Variants in RNF214 observed in about 807,000 individuals in gnomAD.
The protein encoded by RNF214 is ring finger protein 214.
Under a neutral mutation model 75.9 loss-of-function variants are expected in RNF214, and 25 were observed. That is an observed-to-expected ratio of 0.33 (90% CI 0.24 to 0.46). The LOEUF (loss-of-function observed/expected upper bound fraction) is 0.46, where lower values mean the gene tolerates loss of function less well. Ranked by LOEUF, RNF214 falls within the 20% of genes least tolerant of loss-of-function variation. The probability of loss-of-function intolerance (pLI) is 1.00; values close to 1 mark genes in which losing one functional copy is unlikely to be tolerated. For missense variants in RNF214, 725 were observed against 857.5 expected (o/e 0.85, Z 1.93); for synonymous variants, 314 against 308.8 (o/e 1.02, Z -0.18).
intron 6 of RNF214, among the ~76,000 whole-genome samples, chr11:117,276,835 A>G (rs1169968600): frequency 6.6e-6 from 1 of 152,226 alleles, no homozygotes; most frequent in Non-Finnish European, 1.5e-5. Context: ...TATAATCTTC[A>G]AGGATAACAT....
chr11:117,236,561 C>T (rs1170068901), intron 2 of RNF214, among the ~76,000 whole-genome samples: 5 of 152,086 alleles, frequency 3.3e-5, no homozygotes, highest in South Asian at 2.1e-4. Context: ...CATGAGCCAC[C>T]GCACCTGGCC....
chr11:117,272,541 A>G (rs1436208736), intron 6 of RNF214, among the ~76,000 whole-genome samples: 1 of 152,114 alleles, frequency 6.6e-6, no homozygotes, highest in African/African-American at 2.4e-5. Context: ...CCACCATGGC[A>G]CATGTATACC....
intron 6 of RNF214, among the ~76,000 whole-genome samples, chr11:117,253,127 C>G (rs570061461): frequency 2.3e-4 from 35 of 152,286 alleles, no homozygotes; most frequent in Non-Finnish European, 4.4e-4. Context: ...ATCCTCCTGC[C>G]TCAGCTTCCC....
chr11:117,242,076 G>A (rs1272287465), intron 4 of RNF214, among the ~76,000 whole-genome samples: 1 of 151,970 alleles, frequency 6.6e-6, no homozygotes, highest in Non-Finnish European at 1.5e-5. Flanking sequence ...TCCCCAGATA[G>A]TTGGCTTTTG....
chr11:117,260,077 A>AT (rs557529984), intron 6 of RNF214, among the ~76,000 whole-genome samples: 308 of 142,912 alleles, frequency 2.2e-3, no homozygotes, highest in African/African-American at 3.2e-3. Context: ...AAATTCTTTG[A>AT]TTTTTTTTTT....
chr11:117,274,966 A>G (rs1277951814), intron 6 of RNF214, among the ~76,000 whole-genome samples: 2 of 152,088 alleles, frequency 1.3e-5, no homozygotes, highest in Non-Finnish European at 2.9e-5. Flanking sequence ...GGTGTGAGCC[A>G]CTGCACCTGG....
chr11:117,252,025 C>T (rs910307315), intron 6 of RNF214, among the ~76,000 whole-genome samples: 3 of 152,128 alleles, frequency 2.0e-5, no homozygotes, highest in Admixed American at 6.5e-5. Flanking sequence ...TGTGCCACCA[C>T]GCCCGACTAA....
chr11:117,261,866 G>A (rs1372626244), intron 6 of RNF214, among the ~76,000 whole-genome samples: 3 of 151,572 alleles, frequency 2.0e-5, no homozygotes, highest in Non-Finnish European at 2.9e-5. Flanking sequence ...GGCTGGTCTC[G>A]ATCTCCTGAC....
intron 6 of RNF214, among the ~76,000 whole-genome samples, chr11:117,261,115 C>A (rs1331510997): frequency 6.6e-6 from 1 of 152,054 alleles, no homozygotes; most frequent in African/African-American, 2.4e-5. Flanking sequence ...TTGCCTTGTT[C>A]CTGCTCTTAG....
At position 117,282,406 on chromosome 11, in the gene RNF214, C is replaced by T; in HGVS notation, c.1715C>T (p.Ala572Val). 1.2e-6 allele frequency: 2 copies of T among 1,612,938 alleles called. No individual in the cohort carries two copies. Among genetic ancestry groups the T allele is most frequent in the Non-Finnish European group, 1.7e-6 (2 of 1,179,500 alleles). The change falls in exon 12 of 15, where the codon GCC becomes GTC. Residue 572 changes from alanine to valine, a missense_variant and splice_region_variant. Ala to Val is a moderately conservative substitution (Grantham distance 64). Coordinates refer to ENST00000300650, the MANE Select transcript of RNF214 (RefSeq NM_207343.4). ...CCCTCAACATTTTTTTTCCTCAGGG[C>T]CCAGATGACCAACATTCTTCAGCAG... ...LLTRFPQCNKAQMTNILQQIK... is the reference protein window; with the variant it reads ...LLTRFPQCNKVQMTNILQQIK...
chr11:117,281,768 T>C, intron 10 of RNF214, 70 bp downstream of exon 10: 1 of 1,509,620 alleles, frequency 6.6e-7, no homozygotes, highest in Non-Finnish European at 9.2e-7. Flanking sequence ...TTCTGCGTGT[T>C]CTTTTTATGA....
intron 6 of RNF214, among the ~76,000 whole-genome samples, chr11:117,267,797 G>A (rs919362771): frequency 6.6e-6 from 1 of 151,980 alleles, no homozygotes; most frequent in Admixed American, 6.6e-5. Context: ...TTGTTGAAAA[G>A]ATTATCCTTT....
At chr11:117,264,582 T>A (rs2033752768) in intron 6 of RNF214, among the ~76,000 whole-genome samples, 1 of 152,210 alleles carries the variant, frequency 6.6e-6, no homozygotes, top group African/African-American at 2.4e-5. Context: ...AGCCCCAACA[T>A]TGATAAGTTG....
chr11:117,278,758 T>G (rs934058401), intron 6 of RNF214, among the ~76,000 whole-genome samples: 26 of 152,258 alleles, frequency 1.7e-4, no homozygotes, highest in African/African-American at 6.3e-4. Context: ...TGTATCACTG[T>G]GCTTAGTAGC....
rs2034147213 is a variant in RNF214, at chr11:117,282,409, A to G, written c.1718A>G (p.Gln573Arg). The G allele has an allele frequency of 6.2e-7, 1 of 1,613,722 alleles. No individual in the cohort carries two copies. Among genetic ancestry groups the G allele is most frequent in the African/African-American group, 1.3e-5 (1 of 74,912 alleles). Residue 573 changes from glutamine to arginine, a missense_variant, in exon 12 of 15, where the codon CAG becomes CGG. By Grantham distance (43) the Gln-to-Arg change is conservative. Around this residue, in one of 2 missense-constraint regions of RNF214, gnomAD observed 363 missense variants for 513.0 expected, o/e 0.71. Transcript: ENST00000300650. ...LTRFPQCNKAQMTNILQQIKT... is the reference protein window; with the variant it reads ...LTRFPQCNKARMTNILQQIKT... Reference sequence around the variant, plus strand: ...TCAACATTTTTTTTCCTCAGGGCCCAGATGACCAACATTCTTCAGCAGATC... The same window carrying G: ...TCAACATTTTTTTTCCTCAGGGCCCGGATGACCAACATTCTTCAGCAGATC...
intron 2 of RNF214, 115 bp downstream of exon 2, chr11:117,234,494 G>A (rs2032845475): frequency 1.5e-6 from 1 of 670,772 alleles, no homozygotes; most frequent in East Asian, 2.7e-5. Flanking sequence ...CTTTTTAAAG[G>A]TACAGGACTG....
At chr11:117,272,174 T>C (rs2033925788) in intron 6 of RNF214, among the ~76,000 whole-genome samples, 1 of 152,056 alleles carries the variant, frequency 6.6e-6, no homozygotes, top group Admixed American at 6.6e-5. Flanking sequence ...TCCAGTGAGC[T>C]TACGATTGTG....
At chr11:117,233,237 C>T (rs770404548) in intron 1 of RNF214, among the ~76,000 whole-genome samples, 36 of 152,194 alleles carry the variant, frequency 2.4e-4, no homozygotes, top group Admixed American at 2.0e-4. Context: ...AGAGGACCCC[C>T]CAGCCCTGGG....
Position 117,243,566 on chromosome 11 carries a change from A to AATATTATATGGG in RNF214, c.679-878_679-867dup, listed in dbSNP as rs1355404348. Among the ~76,000 whole-genome samples, 26 of 152,066 alleles carry AATATTATATGGG rather than the reference A, an allele frequency of 1.7e-4. 1 individual carries two copies. Among genetic ancestry groups the AATATTATATGGG allele is most frequent in the Non-Finnish European group, 3.4e-4 (23 of 67,992 alleles). ...AATTCAGTTTAGTGCTCTCAGTTTA[A>AATATTATATGGG]ATATTATATGGGCTACTTCATACTA... On this transcript the variant is annotated intron_variant, in intron 4 of 14. Transcript: ENST00000300650.
Sources: gnomAD v4.1 joint callset for allele counts (sites outside exome capture counted in the v4.1 genomes callset) on GRCh38, gnomAD v4.1.1 for gene constraint, gnomAD v4.1.1 regional missense constraint, MANE v1.5 for transcripts, NCBI Gene and HGNC (gene_info 2026-07-23, HGNC 2026-07-21) for gene names.